FER: variants seen among roughly 807,000 people sequenced by gnomAD.
The protein encoded by FER is tyrosine-protein kinase Fer.
Under a neutral mutation model 111.0 loss-of-function variants are expected in FER, and 63 were observed. The observed-to-expected ratio is 0.57, with a 90% CI of 0.46 to 0.70. The LOEUF is 0.70. Ranked by LOEUF, FER falls within the 30% of genes least tolerant of loss-of-function variation. The pLI is 0.00. For synonymous variants in FER, 327 were observed against 313.9 expected (o/e 1.04, Z -0.44); for missense variants, 914 against 954.0 (o/e 0.96, Z 0.55).
rs151111245 is a variant in FER, at chr5:109,027,230, T to C, written c.1657-10192T>C. Among the ~76,000 whole-genome samples, 131 of 152,274 alleles carry C rather than the reference T, an allele frequency of 8.6e-4. 1 individual carries two copies. The highest frequency in any genetic ancestry group is 3.0e-3 in the African/African-American group (125 of 41,566). Reference sequence around the variant, plus strand: ...ATTTCCAGTATTTTTTGTAATTAAGTCCTCATGTTGAACCTGCAATACATT... The same window carrying C: ...ATTTCCAGTATTTTTTGTAATTAAGCCCTCATGTTGAACCTGCAATACATT... On this transcript the variant is annotated intron_variant, in intron 13 of 19. Transcript: ENST00000281092.
intron 1 of FER, among the ~76,000 whole-genome samples, chr5:108,753,734 C>T (rs1750758526): frequency 6.6e-6 from 1 of 152,092 alleles, no homozygotes; most frequent in African/African-American, 2.4e-5. Flanking sequence ...TTACAGATAT[C>T]CCTGTTTCAG....
rs537077145 is a variant in FER, at chr5:109,187,864, A to G, written c.*289A>G. ...AGGCTTCTAAGTGTGTGAAGGATAA[A>G]AGATCTATCCTATCCTTTTCACACC... is the stretch of plus-strand genomic sequence containing the variant. On this transcript the variant is annotated 3_prime_UTR_variant, in exon 20 of 20. Transcript: ENST00000281092. 4.9e-5 allele frequency: 20 copies of G among 406,274 alleles called. 1 individual carries two copies. Among genetic ancestry groups the G allele is most frequent in the African/African-American group, 3.3e-4 (16 of 49,066 alleles). 25.2% of individuals were successfully genotyped at this position (406,274 alleles called of 1,614,324 possible).
intron 19 of FER, among the ~76,000 whole-genome samples, 182 bp from the exon 20 acceptor site, chr5:109,187,251 G>A (rs868019169): frequency 3.3e-5 from 5 of 152,182 alleles, no homozygotes; most frequent in Admixed American, 6.5e-5. Context: ...CTAAGACTCT[G>A]TAATATTGAA....
chr5:109,180,417 C>G (rs979516110), intron 17 of FER, among the ~76,000 whole-genome samples: 2 of 152,210 alleles, frequency 1.3e-5, no homozygotes, highest in South Asian at 4.1e-4. Context: ...GACAATGCTG[C>G]TCTAGGAAAG....
intron 16 of FER, among the ~76,000 whole-genome samples, chr5:109,065,227 A>G (rs1465502180): frequency 6.6e-6 from 1 of 152,186 alleles, no homozygotes; most frequent in Non-Finnish European, 1.5e-5. Flanking sequence ...TGGAGCCCAT[A>G]CTGTTTTTCC....
chr5:108,887,441 G>T (rs1581058054), intron 9 of FER, among the ~76,000 whole-genome samples: 1 of 151,566 alleles, frequency 6.6e-6, no homozygotes, highest in Non-Finnish European at 1.5e-5. Flanking sequence ...ATTTTAAATT[G>T]ACACATTAGC....
At chr5:108,794,528 C>CT (rs1014323300) in intron 2 of FER, among the ~76,000 whole-genome samples, 2 of 68,796 alleles carry the variant, frequency 2.9e-5, no homozygotes, top group South Asian at 5.5e-4. Flanking sequence ...CCCTCCGCAC[C>CT]CCCCCCCCTC....
At chr5:108,994,888 C>G (rs1465452649) in intron 13 of FER, among the ~76,000 whole-genome samples, 1 of 152,178 alleles carries the variant, frequency 6.6e-6, no homozygotes, top group African/African-American at 2.4e-5. Context: ...AATGGGACTT[C>G]ATTCATAATT....
intron 2 of FER, among the ~76,000 whole-genome samples, chr5:108,792,973 A>T (rs1755550091): frequency 6.6e-6 from 1 of 152,194 alleles, no homozygotes; most frequent in African/African-American, 2.4e-5. Context: ...ACATCAGGGT[A>T]AATGGGGTAT....
chr5:109,118,354 G>A (rs1242029275), intron 17 of FER, among the ~76,000 whole-genome samples: 1 of 152,184 alleles, frequency 6.6e-6, no homozygotes, highest in East Asian at 1.9e-4. Flanking sequence ...CAGGGATGAA[G>A]CCCACTTGAT....
At chr5:109,013,468 C>G (rs1474381439) in intron 13 of FER, among the ~76,000 whole-genome samples, 10 of 151,430 alleles carry the variant, frequency 6.6e-5, no homozygotes, top group South Asian at 6.3e-4. Flanking sequence ...TTTTCTTAAT[C>G]CAGTCTATCA....
intron 17 of FER, among the ~76,000 whole-genome samples, chr5:109,169,561 G>T (rs1316887991): frequency 6.6e-6 from 1 of 152,116 alleles, no homozygotes; most frequent in East Asian, 1.9e-4. Flanking sequence ...TAAATGGGAG[G>T]CAAGGAAAGA....
chr5:109,147,798 TATAGAGAGAGAG>T (rs1754399183), intron 17 of FER, among the ~76,000 whole-genome samples: 1 of 116,636 alleles, frequency 8.6e-6, no homozygotes, highest in Non-Finnish European at 1.8e-5. Context: ...TATATATATA[TATAGAGAGAGAG>T]AGAGAGAGAG....
intron 1 of FER, among the ~76,000 whole-genome samples, chr5:108,754,135 G>A (rs1315095673): frequency 1.5e-4 from 23 of 152,074 alleles, no homozygotes; most frequent in Non-Finnish European, 5.9e-5. Context: ...TGTGGGCTGG[G>A]TGCAGTGGCT....
At chr5:109,047,065 T>C (rs773299087) in intron 15 of FER, 39 bp from the exon 16 acceptor site, 2 of 1,075,338 alleles carry the variant, frequency 1.9e-6, no homozygotes, top group South Asian at 2.8e-5. Context: ...TGCTTTATTA[T>C]TCAAATGATA....
At chr5:108,960,934 A>G (rs1759064845) in intron 13 of FER, among the ~76,000 whole-genome samples, 1 of 152,300 alleles carries the variant, frequency 6.6e-6, no homozygotes, top group East Asian at 1.9e-4. Flanking sequence ...TTAAAAATAC[A>G]AAAGTTAGCT....
chr5:108,842,826 A>G (rs1034847743), intron 5 of FER: 11 of 152,212 alleles, frequency 7.2e-5, no homozygotes, highest in Admixed American at 2.0e-4. Context: ...TACAGCCACT[A>G]TGGAAAACAG....
intron 1 of FER, among the ~76,000 whole-genome samples, chr5:108,761,955 G>A (rs540400455): frequency 6.6e-6 from 1 of 152,102 alleles, no homozygotes; most frequent in African/African-American, 2.4e-5. Flanking sequence ...TTGCCACCCA[G>A]GCTGGAGTGC....
At chr5:108,816,136 T>A (rs907583805) in intron 3 of FER, among the ~76,000 whole-genome samples, 2 of 151,560 alleles carry the variant, frequency 1.3e-5, no homozygotes, top group Non-Finnish European at 2.9e-5. Context: ...AAAAAAACCA[T>A]GAGTTTGTTC....
Sources: allele counts gnomAD v4.1 joint callset (sites outside exome capture counted in the v4.1 genomes callset), GRCh38; gene constraint gnomAD v4.1.1; transcripts MANE v1.5; gene names NCBI Gene and HGNC (gene_info 2026-07-23, HGNC 2026-07-21).